SDHAF3: variants seen among roughly 807,000 people sequenced by gnomAD.
SDHAF3 encodes succinate dehydrogenase complex assembly factor 3, also known as succinate dehydrogenase assembly factor 3, mitochondrial.
SDHAF3 carries 18 observed loss-of-function variants against 11.5 expected under a neutral mutation model. The observed-to-expected ratio is 1.56, with a 90% CI of 1.08 to 2.32. The LOEUF is 2.32. Among genes scored for constraint, SDHAF3 ranks in the 30% most tolerant of loss-of-function variants. The pLI is 0.00. For synonymous variants in SDHAF3, 72 were observed against 59.3 expected (o/e 1.21, Z -0.99); for missense variants, 200 against 154.4 (o/e 1.30, Z -1.57).
chr7:97,145,055 T>G (rs1562824485), intron 1 of SDHAF3, among the ~76,000 whole-genome samples: 1 of 150,054 alleles, frequency 6.7e-6, no homozygotes, highest in African/African-American at 2.4e-5. Flanking sequence ...TTTTTGTTTT[T>G]TTTTTTTTGC....
intron 1 of SDHAF3, among the ~76,000 whole-genome samples, chr7:97,154,938 CA>C (rs1258620991): frequency 3.3e-5 from 5 of 152,110 alleles, no homozygotes; most frequent in African/African-American, 1.2e-4. Context: ...AGTAAAAAAT[CA>C]ATTAGGCATA....
intron 1 of SDHAF3, among the ~76,000 whole-genome samples, chr7:97,140,267 T>C (rs938943772): frequency 2.6e-5 from 4 of 152,120 alleles, no homozygotes; most frequent in Non-Finnish European, 5.9e-5. Flanking sequence ...CAATTCTTAA[T>C]TGATTAATTC....
intron 1 of SDHAF3, among the ~76,000 whole-genome samples, chr7:97,169,576 A>G (rs966305575): frequency 6.6e-6 from 1 of 152,090 alleles, no homozygotes; most frequent in Non-Finnish European, 1.5e-5. Flanking sequence ...GTGATTTTCT[A>G]AACAGATTAC....
In SDHAF3 at chr7:97,117,777, G is replaced by A; in HGVS notation, c.54G>A (p.Gln18=). 3 of 1,614,184 alleles carry A rather than the reference G, an allele frequency of 1.9e-6. No homozygotes were observed. Among genetic ancestry groups the A allele is most frequent in the Non-Finnish European group, 2.5e-6 (3 of 1,180,038 alleles). ...GGGCATTGTACAAGCGCGTCTTGCA[G>A]CTGCACCGTGTTCTGCCCCCGGACC... is the stretch of plus-strand genomic sequence containing the variant. ...RVRALYKRVL[Q]LHRVLPPDLK... is the part of the protein sequence containing the mutation. The change falls in exon 1 of 2, where the codon CAG becomes CAA. Residue 18 remains glutamine, a synonymous_variant. Coordinates refer to ENST00000432641, the MANE Select transcript of SDHAF3 (RefSeq NM_020186.3).
Position 97,121,865 on chromosome 7 carries a change from T to G in SDHAF3, c.174+3968T>G, listed in dbSNP as rs561388568. ...GGTTTTTTTTTTTTGTTTTTTTTTT[T>G]TTTGTTTTTGAGATGGAGTCTTCGC... On this transcript the variant is annotated intron_variant, in intron 1 of 1. Transcript: ENST00000432641. Among the ~76,000 whole-genome samples the G allele has an allele frequency of 2.7e-3, 364 of 136,632 alleles. 1 individual carries two copies. The highest frequency in any genetic ancestry group is 0.014 in the South Asian group (60 of 4,242). 89.6% of individuals were successfully genotyped at this position (136,632 alleles called of 152,430 possible). A position where few individuals can be genotyped will look rare whatever the true frequency, so the allele number is the denominator to read the frequency against.
intron 1 of SDHAF3, among the ~76,000 whole-genome samples, chr7:97,164,497 C>T (rs1012518330): frequency 6.6e-6 from 1 of 151,556 alleles, no homozygotes; most frequent in Non-Finnish European, 1.5e-5. Flanking sequence ...CTGCCTCTAC[C>T]TCCTGAGTAG....
At chr7:97,136,238 T>C in intron 1 of SDHAF3, 1 of 426,356 alleles carries the variant, frequency 2.3e-6, no homozygotes, top group Non-Finnish European at 4.2e-6. Context: ...TATAAACTGA[T>C]TTTTTTTGAA....
At chr7:97,153,929 A>G (rs1314299160) in intron 1 of SDHAF3, among the ~76,000 whole-genome samples, 2 of 152,204 alleles carry the variant, frequency 1.3e-5, no homozygotes, top group Non-Finnish European at 2.9e-5. Flanking sequence ...CCTAATTGTC[A>G]CATGCATCCG....
chr7:97,157,375 C>T (rs1789319599), intron 1 of SDHAF3, among the ~76,000 whole-genome samples: 1 of 152,070 alleles, frequency 6.6e-6, no homozygotes, highest in Non-Finnish European at 1.5e-5. Flanking sequence ...TAGTTAGAAC[C>T]CTGGGAATCC....
chr7:97,166,744 GGC>G (rs1491391933), intron 1 of SDHAF3, among the ~76,000 whole-genome samples: 2 of 140,834 alleles, frequency 1.4e-5, no homozygotes, highest in East Asian at 4.9e-4. Context: ...CCAGTTAGTT[GGC>G]GGGGGGGGCT....
intron 1 of SDHAF3, among the ~76,000 whole-genome samples, chr7:97,169,589 C>CA: frequency 6.6e-6 from 1 of 151,828 alleles, no homozygotes. Context: ...CAGATTACAT[C>CA]AAAATAGAAT....
chr7:97,123,831 A>C (rs989636052), intron 1 of SDHAF3, among the ~76,000 whole-genome samples: 1 of 134,454 alleles, frequency 7.4e-6, no homozygotes, highest in Admixed American at 7.6e-5. Flanking sequence ...TCCTTCGCCC[A>C]CTTTTGGATG....
At chr7:97,174,543 C>T (rs1789651891) in intron 1 of SDHAF3, among the ~76,000 whole-genome samples, 1 of 152,178 alleles carries the variant, frequency 6.6e-6, no homozygotes, top group South Asian at 2.1e-4. Flanking sequence ...GTCATCAGAG[C>T]TCCTTAGCTT....
At chr7:97,145,531 C>T (rs1490858156) in intron 1 of SDHAF3, among the ~76,000 whole-genome samples, 6 of 151,982 alleles carry the variant, frequency 3.9e-5, no homozygotes, top group Admixed American at 6.6e-5. Context: ...AGTCATTTTT[C>T]TTAGTAAGTT....
At chr7:97,127,908 T>G (rs1395398560) in intron 1 of SDHAF3, among the ~76,000 whole-genome samples, 2 of 147,070 alleles carry the variant, frequency 1.4e-5, no homozygotes, top group Admixed American at 6.8e-5. Context: ...TTTTTTTTTT[T>G]TTTTTTTTTT....
chr7:97,150,518 G>A (rs1233733568), intron 1 of SDHAF3, among the ~76,000 whole-genome samples: 4 of 151,016 alleles, frequency 2.6e-5, no homozygotes, highest in Non-Finnish European at 5.9e-5. Flanking sequence ...GTGACCAGGT[G>A]CATTGTCAGT....
chr7:97,175,135 T>C (rs1789660680), intron 1 of SDHAF3, among the ~76,000 whole-genome samples: 2 of 152,212 alleles, frequency 1.3e-5, no homozygotes, highest in South Asian at 4.1e-4. Flanking sequence ...TTCTAAATGC[T>C]GGTAAGAAGA....
At chr7:97,180,796 C>G (rs1036723920) in intron 1 of SDHAF3, among the ~76,000 whole-genome samples, 2 of 152,004 alleles carry the variant, frequency 1.3e-5, no homozygotes, top group African/African-American at 2.4e-5. Context: ...AAAAATTTTG[C>G]TAAAAGTTGG....
chr7:97,122,558 C>A (rs1338062237), intron 1 of SDHAF3, among the ~76,000 whole-genome samples: 2 of 149,164 alleles, frequency 1.3e-5, no homozygotes, highest in Non-Finnish European at 1.5e-5. Context: ...TTGACTAATA[C>A]AGTATTAGTG....
Sources: gnomAD v4.1 joint callset for allele counts (sites outside exome capture counted in the v4.1 genomes callset) on GRCh38, gnomAD v4.1.1 for gene constraint, MANE v1.5 for transcripts, NCBI Gene and HGNC (gene_info 2026-07-23, HGNC 2026-07-21) for gene names.